The following MPP7 variants were observed in gnomAD, a reference collection of about 807,000 sequenced individuals.
MPP7 encodes the protein MAGUK p55 scaffold protein 7.
A neutral mutation model predicts 76.5 loss-of-function variants in MPP7; 60 were observed. The ratio of observed to expected loss-of-function variants is 0.78; its 90% CI spans 0.64 to 0.97. The LOEUF (loss-of-function observed/expected upper bound fraction) is 0.97. Among genes scored for constraint, MPP7 ranks in the 50% least tolerant of loss-of-function variants. MPP7 has a pLI of 0.00. For missense variants in MPP7, 641 were observed against 694.0 expected, an observed-to-expected ratio of 0.92 and a Z score of 0.86; for synonymous variants, 237 against 244.5, an observed-to-expected ratio of 0.97 and a Z score of 0.29.
intron 3 of MPP7, among the ~76,000 whole-genome samples, chr10:28,153,419 A>G (rs1274721643): frequency 6.6e-6 from 1 of 152,208 alleles, no homozygotes; most frequent in Non-Finnish European, 1.5e-5. Flanking sequence ...ATTCAAAAAC[A>G]AGATCCTAAA....
intron 1 of MPP7, among the ~76,000 whole-genome samples, chr10:28,275,370 C>T (rs1001842317): frequency 1.3e-5 from 2 of 151,842 alleles, no homozygotes; most frequent in Non-Finnish European, 2.9e-5. Context: ...TTACCTCTTA[C>T]ATCCAATAAT....
intron 1 of MPP7, among the ~76,000 whole-genome samples, chr10:28,265,556 C>A (rs1840124295): frequency 6.6e-6 from 1 of 152,078 alleles, no homozygotes; most frequent in African/African-American, 2.4e-5. Flanking sequence ...AAGATCCTGT[C>A]TCCCCACCCC....
At chr10:28,182,753 C>A (rs1383895657) in intron 3 of MPP7, among the ~76,000 whole-genome samples, 1 of 152,140 alleles carries the variant, frequency 6.6e-6, no homozygotes, top group African/African-American at 2.4e-5. Flanking sequence ...ACCATAAATA[C>A]AATAAATTTC....
intron 12 of MPP7, among the ~76,000 whole-genome samples, chr10:28,081,133 A>G (rs956886673): frequency 6.6e-6 from 1 of 152,260 alleles, no homozygotes; most frequent in African/African-American, 2.4e-5. Context: ...AAAATGTGAA[A>G]TATACAGAAA....
At chr10:28,279,761 C>T (rs1840613767) in intron 1 of MPP7, among the ~76,000 whole-genome samples, 1 of 151,864 alleles carries the variant, frequency 6.6e-6, no homozygotes. Flanking sequence ...TCCGCACAGG[C>T]ATCAGGGATG....
intron 1 of MPP7, among the ~76,000 whole-genome samples, chr10:28,243,318 C>G (rs1316149622): frequency 6.6e-6 from 1 of 152,116 alleles, no homozygotes; most frequent in African/African-American, 2.4e-5. Context: ...GGAACCAAGT[C>G]CCCACTTTGC....
chr10:28,244,574 A>T (rs1433880688), intron 1 of MPP7, among the ~76,000 whole-genome samples: 1 of 152,222 alleles, frequency 6.6e-6, no homozygotes, highest in African/African-American at 2.4e-5. Context: ...TCAATGATTA[A>T]TATAAAACCA....
chr10:28,298,333 T>C (rs1384306991), intron 1 of MPP7, among the ~76,000 whole-genome samples: 4 of 152,218 alleles, frequency 2.6e-5, no homozygotes, highest in African/African-American at 9.6e-5. Flanking sequence ...GACTCCTAGA[T>C]CCATGGGTAC....
intron 2 of MPP7, among the ~76,000 whole-genome samples, chr10:28,321,637 T>C (rs945052317): frequency 1.3e-5 from 2 of 152,154 alleles, no homozygotes; most frequent in East Asian, 3.9e-4. Flanking sequence ...CAGGCTGGAG[T>C]GCAGTGGTGC....
chr10:28,092,760 T>TTTTTG (rs60093827), intron 11 of MPP7, among the ~76,000 whole-genome samples: 2 of 145,678 alleles, frequency 1.4e-5, no homozygotes, highest in African/African-American at 5.3e-5. Context: ...TTTTTTTTTT[T>TTTTTG]GAAGAGATAA....
rs185763466 is a variant in MPP7, at chr10:28,269,765, C to T, written c.-131-31030G>A. On this transcript the variant is annotated intron_variant, in intron 1 of 16. Transcript: ENST00000683449. ...CTGGTCTCTAATTCCTGGCCTCAAGCGATCCTCTTGCCTCAGCCTCCCAAG... is the reference window on the plus strand; with the variant it reads ...CTGGTCTCTAATTCCTGGCCTCAAGTGATCCTCTTGCCTCAGCCTCCCAAG... Among the ~76,000 whole-genome samples the T allele has an allele frequency of 1.3e-3, 198 of 152,094 alleles. 1 individual carries two copies. Among genetic ancestry groups the T allele is most frequent in the Middle Eastern group, 6.8e-3 (2 of 294 alleles).
chr10:28,332,072 G>T (rs1291903508), intron 1 of MPP7, among the ~76,000 whole-genome samples: 2 of 152,108 alleles, frequency 1.3e-5, no homozygotes, highest in Non-Finnish European at 2.9e-5. Context: ...TTCAGCTGTG[G>T]TACTGGTGTG....
intron 12 of MPP7, 44 bp downstream of exon 12, chr10:28,089,627 G>A (rs1853189153): frequency 6.4e-7 from 1 of 1,553,520 alleles, no homozygotes; most frequent in African/African-American, 1.4e-5. Context: ...ATTCTTACTA[G>A]CTCACTCATT....
intron 3 of MPP7, among the ~76,000 whole-genome samples, 178 bp from the exon 4 acceptor site, chr10:28,150,237 G>T (rs753086253): frequency 1.3e-5 from 2 of 152,178 alleles, no homozygotes; most frequent in South Asian, 2.1e-4. Context: ...TAGGTGACAC[G>T]TATGTGTGCC....
At chr10:28,145,603 T>C (rs1342022578) in intron 5 of MPP7, among the ~76,000 whole-genome samples, 1 of 152,162 alleles carries the variant, frequency 6.6e-6, no homozygotes, top group African/African-American at 2.4e-5. Flanking sequence ...AGAAAAGCAA[T>C]GTTAAATGTT....
chr10:28,106,226 TC>T, intron 11 of MPP7, among the ~76,000 whole-genome samples: 1 of 152,236 alleles, frequency 6.6e-6, no homozygotes, highest in Non-Finnish European at 1.5e-5. Context: ...GACTTTTTTC[TC>T]TAACGGAATT....
intron 15 of MPP7, chr10:28,057,962 G>A (rs1229275775): frequency 2.2e-6 from 2 of 909,886 alleles, no homozygotes; most frequent in African/African-American, 3.7e-5. Context: ...GTTCATAATG[G>A]AGTTTCCAGG....
chr10:28,220,867 G>T (rs529862135), intron 2 of MPP7, among the ~76,000 whole-genome samples: 3 of 152,094 alleles, frequency 2.0e-5, no homozygotes, highest in Non-Finnish European at 4.4e-5. Flanking sequence ...CAAGCACAAG[G>T]TTGGCCCTTA....
intron 3 of MPP7, among the ~76,000 whole-genome samples, chr10:28,155,535 T>C (rs1004990821): frequency 2.7e-5 from 4 of 146,650 alleles, no homozygotes; most frequent in African/African-American, 1.0e-4. Flanking sequence ...GAAGTGGAGG[T>C]TGCAGTGAGC....
Sources: gnomAD v4.1 joint callset for allele counts (sites outside exome capture counted in the v4.1 genomes callset) on GRCh38, gnomAD v4.1.1 for gene constraint, MANE v1.5 for transcripts, NCBI Gene and HGNC (gene_info 2026-07-23, HGNC 2026-07-21) for gene names.